Variants in SCAMP1 observed in about 807,000 individuals in gnomAD.
SCAMP1 encodes the protein secretory carrier-associated membrane protein 1.
In SCAMP1, 15 loss-of-function variants were observed where a neutral mutation model predicts 41.8. That is an observed-to-expected ratio of 0.36 (90% CI 0.24 to 0.55). The LOEUF (loss-of-function observed/expected upper bound fraction) is 0.55, where lower values mean the gene tolerates loss of function less well. Among genes scored for constraint, SCAMP1 ranks in the 20% least tolerant of loss-of-function variants. SCAMP1 has a pLI of 0.86. For synonymous variants in SCAMP1, 135 were observed against 136.8 expected (o/e 0.99, Z 0.09); for missense variants, 341 against 412.6 (o/e 0.83, Z 1.50).
intron 4 of SCAMP1, among the ~76,000 whole-genome samples, chr5:78,417,976 C>A (rs1039903639): frequency 6.6e-6 from 1 of 151,984 alleles, no homozygotes; most frequent in Non-Finnish European, 1.5e-5. Flanking sequence ...CGGGAAATGG[C>A]CTTAGGTGCT....
At chr5:78,400,974 C>T (rs1006031171) in intron 2 of SCAMP1, among the ~76,000 whole-genome samples, 1 of 152,048 alleles carries the variant, frequency 6.6e-6, no homozygotes, top group African/African-American at 2.4e-5. Flanking sequence ...TAGCATTGGG[C>T]TTTTTGTAGG....
rs919513940 is a variant in SCAMP1 at position 78,418,130 on chromosome 5, A to G, written c.344-645A>G. 5.8e-4 allele frequency among the ~76,000 whole-genome samples: 87 copies of G among 151,202 alleles called. 1 individual carries two copies. Among genetic ancestry groups the G allele is most frequent in the Admixed American group, 4.3e-3 (66 of 15,206 alleles). ...ACAGTTTGAATTTGTTTTTCTCTGC[A>G]TTTTTAAAGGTTCTATAATTCTTCA... is the stretch of plus-strand genomic sequence containing the variant. On this transcript the variant is annotated intron_variant, in intron 4 of 8. Coordinates refer to ENST00000621999, the MANE Select transcript of SCAMP1 (RefSeq NM_004866.6).
intron 2 of SCAMP1, among the ~76,000 whole-genome samples, chr5:78,396,087 C>T (rs1447094973): frequency 1.3e-5 from 2 of 152,256 alleles, no homozygotes; most frequent in East Asian, 3.9e-4. Flanking sequence ...CAAAGTAGAA[C>T]CCCCAGAATA....
chr5:78,395,592 T>C (rs1237334532), intron 2 of SCAMP1, among the ~76,000 whole-genome samples: 1 of 152,192 alleles, frequency 6.6e-6, no homozygotes, highest in East Asian at 1.9e-4. Flanking sequence ...TCTAGAGGTT[T>C]AATTGGGGAA....
At chr5:78,459,814 A>G (rs540315579) in intron 8 of SCAMP1, among the ~76,000 whole-genome samples, 5 of 152,144 alleles carry the variant, frequency 3.3e-5, no homozygotes, top group African/African-American at 1.2e-4. Context: ...GGTTTGTTAC[A>G]TGGTTATGTT....
intron 6 of SCAMP1, among the ~76,000 whole-genome samples, chr5:78,429,169 T>C (rs777240080): frequency 5.8e-4 from 89 of 152,218 alleles, no homozygotes; most frequent in South Asian, 5.8e-3. Flanking sequence ...TTAAACTGGC[T>C]ACAGCTTCTA....
intron 2 of SCAMP1, among the ~76,000 whole-genome samples, chr5:78,389,480 G>A (rs1027976524): frequency 2.0e-5 from 3 of 151,852 alleles, no homozygotes; most frequent in African/African-American, 7.3e-5. Context: ...TGTTCCCCAG[G>A]CTGGTCTTGA....
rs145655052 is a variant in SCAMP1 at position 78,390,151 on chromosome 5, T to C, written c.135+1237T>C. On this transcript the variant is annotated intron_variant, in intron 2 of 8. Transcript: ENST00000621999. ...GTAGTATCAGAATTGAACTGAGTTGTAGGACATCTAGATGGTGTCCAAAGA... is the reference window on the plus strand; with the variant it reads ...GTAGTATCAGAATTGAACTGAGTTGCAGGACATCTAGATGGTGTCCAAAGA... Among the ~76,000 whole-genome samples, 165 of 152,286 alleles carry C rather than the reference T, an allele frequency of 1.1e-3. 1 individual carries two copies. Among genetic ancestry groups the C allele is most frequent in the African/African-American group, 3.9e-3 (160 of 41,550 alleles).
At chr5:78,451,626 T>C (rs761850525) in intron 7 of SCAMP1, among the ~76,000 whole-genome samples, 5 of 152,208 alleles carry the variant, frequency 3.3e-5, no homozygotes, top group South Asian at 4.1e-4. Context: ...CAGGTTGTTA[T>C]GTTTATCTGT....
chr5:78,413,146 G>T (rs1284672401), intron 2 of SCAMP1, among the ~76,000 whole-genome samples: 4 of 150,794 alleles, frequency 2.7e-5, no homozygotes, highest in African/African-American at 7.3e-5. Flanking sequence ...AGTAAGAAAT[G>T]TTTTTTTTTC....
At chr5:78,459,889 A>G (rs1300824577) in intron 8 of SCAMP1, among the ~76,000 whole-genome samples, 1 of 152,022 alleles carries the variant, frequency 6.6e-6, no homozygotes, top group Non-Finnish European at 1.5e-5. Flanking sequence ...AGTACCCGAT[A>G]GTTTTTCAAG....
chr5:78,462,598 C>T (rs1277534406), intron 8 of SCAMP1, among the ~76,000 whole-genome samples: 1 of 152,154 alleles, frequency 6.6e-6, no homozygotes, highest in Non-Finnish European at 1.5e-5. Context: ...TTCGGGATTA[C>T]AGGTGTGAGC....
intron 8 of SCAMP1, among the ~76,000 whole-genome samples, chr5:78,460,417 G>A (rs752593897): frequency 2.6e-5 from 4 of 152,112 alleles, no homozygotes; most frequent in Non-Finnish European, 5.9e-5. Flanking sequence ...GCCAACATCT[G>A]TTGTTTTTTG....
At chr5:78,416,724 AT>A in intron 4 of SCAMP1, 75 bp downstream of exon 4, 1 of 1,125,092 alleles carries the variant, frequency 8.9e-7, no homozygotes, top group Non-Finnish European at 1.3e-6. Context: ...CTCCTAGGTC[AT>A]TTGGCCTGTG....
chr5:78,462,292 A>G (rs982709949), intron 8 of SCAMP1, among the ~76,000 whole-genome samples: 3 of 151,688 alleles, frequency 2.0e-5, no homozygotes, highest in African/African-American at 7.3e-5. Context: ...GTGTTTAGAA[A>G]TGCTACTGAT....
At chr5:78,447,293 A>G (rs1293259003) in intron 6 of SCAMP1, among the ~76,000 whole-genome samples, 1 of 152,246 alleles carries the variant, frequency 6.6e-6, no homozygotes, top group Non-Finnish European at 1.5e-5. Context: ...TAAAAACCTT[A>G]AAATAGTCAA....
intron 8 of SCAMP1, among the ~76,000 whole-genome samples, chr5:78,469,910 A>C (rs1561290924): frequency 2.1e-4 from 9 of 43,662 alleles, no homozygotes; most frequent in South Asian, 8.5e-4. Flanking sequence ...AAAAAAAAAA[A>C]AACAAAAAAA....
At chr5:78,456,373 A>G (rs1326368266) in intron 7 of SCAMP1, among the ~76,000 whole-genome samples, 4 of 152,008 alleles carry the variant, frequency 2.6e-5, no homozygotes, top group East Asian at 1.9e-4. Flanking sequence ...CTTTTAGGGC[A>G]GGCCTGGTGG....
chr5:78,469,939 C>G (rs1230902815), intron 8 of SCAMP1, among the ~76,000 whole-genome samples: 2 of 69,942 alleles, frequency 2.9e-5, no homozygotes, highest in African/African-American at 5.3e-5. Flanking sequence ...AAAACAACAA[C>G]ACAGCCCAGG....
Sources: allele counts gnomAD v4.1 joint callset (sites outside exome capture counted in the v4.1 genomes callset), GRCh38; gene constraint gnomAD v4.1.1; transcripts MANE v1.5; gene names NCBI Gene and HGNC (gene_info 2026-07-23, HGNC 2026-07-21).